Variants in NEK7 observed in about 807,000 individuals in gnomAD.
NEK7 encodes NIMA related kinase 7, also known as serine/threonine-protein kinase Nek7.
Under a neutral mutation model 44.6 loss-of-function variants are expected in NEK7, and 18 were observed. That is an observed-to-expected ratio of 0.40 (90% CI 0.28 to 0.60). The LOEUF is 0.60. NEK7 is among the 20% of genes least tolerant of loss of function. The pLI is 0.38. For synonymous variants in NEK7, 130 were observed against 121.1 expected, an observed-to-expected ratio of 1.07 and a Z score of -0.48; for missense variants, 256 against 366.5, an observed-to-expected ratio of 0.70 and a Z score of 2.46.
chr1:198,238,577 C>T (rs1436682067), intron 2 of NEK7, among the ~76,000 whole-genome samples: 1 of 152,172 alleles, frequency 6.6e-6, no homozygotes, highest in Non-Finnish European at 1.5e-5. Flanking sequence ...TACCCCATTA[C>T]CCCATGCTTA....
chr1:198,302,607 CAAA>C (rs1654922683), intron 9 of NEK7, among the ~76,000 whole-genome samples: 1 of 151,990 alleles, frequency 6.6e-6, no homozygotes, highest in African/African-American at 2.4e-5. Flanking sequence ...GTATGAATAA[CAAA>C]AATAAATTTT....
intron 9 of NEK7, among the ~76,000 whole-genome samples, chr1:198,301,283 G>A (rs961714799): frequency 1.1e-4 from 17 of 152,244 alleles, no homozygotes; most frequent in African/African-American, 3.9e-4. Flanking sequence ...GGGCGCTGTG[G>A]CTCACGCCTG....
intron 5 of NEK7, among the ~76,000 whole-genome samples, chr1:198,272,344 C>T (rs1168627150): frequency 6.6e-6 from 1 of 151,756 alleles, no homozygotes; most frequent in African/African-American, 2.4e-5. Flanking sequence ...GTAATACCAT[C>T]GTGAGCAGTA....
chr1:198,257,458 A>C (rs186108669), intron 3 of NEK7, among the ~76,000 whole-genome samples: 1 of 152,326 alleles, frequency 6.6e-6, no homozygotes, highest in African/African-American at 2.4e-5. Flanking sequence ...GGACAATGAT[A>C]GCACTTCCAT....
chr1:198,224,271 AC>A (rs1365665065), intron 1 of NEK7, among the ~76,000 whole-genome samples: 2 of 151,266 alleles, frequency 1.3e-5, no homozygotes, highest in Non-Finnish European at 2.9e-5. Flanking sequence ...GCAATGCATT[AC>A]CTTTTCCATG....
At chr1:198,278,848 A>G in intron 6 of NEK7, 106 bp from the exon 7 acceptor site, 5 of 627,426 alleles carry the variant, frequency 8.0e-6, no homozygotes, top group Non-Finnish European at 1.4e-5. Flanking sequence ...TCAAACTTTC[A>G]TGATTAAAAT....
intron 1 of NEK7, among the ~76,000 whole-genome samples, chr1:198,192,826 A>T (rs1317193493): frequency 6.6e-6 from 1 of 152,130 alleles, no homozygotes; most frequent in Non-Finnish European, 1.5e-5. Context: ...TAAGAATGAA[A>T]TTTATAGCAA....
At chr1:198,300,542 T>G (rs1464493830) in intron 9 of NEK7, among the ~76,000 whole-genome samples, 1 of 152,236 alleles carries the variant, frequency 6.6e-6, no homozygotes, top group Non-Finnish European at 1.5e-5. Flanking sequence ...ACATCCTTTC[T>G]TCTCTCCCCA....
chr1:198,205,203 G>A (rs900656275), intron 1 of NEK7, among the ~76,000 whole-genome samples: 2 of 152,098 alleles, frequency 1.3e-5, no homozygotes, highest in Non-Finnish European at 2.9e-5. Context: ...CTTTATTAGT[G>A]GGGCCAAAAA....
rs1655491455 is a variant in NEK7, at chr1:198,320,081, C to T, written c.*559C>T. 1.3e-5 allele frequency: 2 copies of T among 152,132 alleles called. No homozygotes were observed. The highest frequency in any genetic ancestry group is 4.1e-4 in the South Asian group (2 of 4,820). The allele number at this position is 152,132 out of a possible 1,614,324, so 9.4% of individuals were successfully genotyped here. A position where few individuals can be genotyped will look rare whatever the true frequency, so the allele number is the denominator to read the frequency against. ...AACTATTTGAGAAACATTTAGAACT[C>T]TTAGCTTATACATTCAAAATGTAAC... On this transcript the variant is annotated 3_prime_UTR_variant, in exon 10 of 10. Coordinates refer to ENST00000367385, the MANE Select transcript of NEK7 (RefSeq NM_133494.3).
intron 1 of NEK7, among the ~76,000 whole-genome samples, chr1:198,228,467 C>T (rs1436525615): frequency 1.8e-4 from 27 of 151,806 alleles, no homozygotes; most frequent in Admixed American, 2.6e-4. Context: ...GCAGTATGGC[C>T]ATTTTCACGA....
chr1:198,261,588 T>A (rs1653472555), intron 3 of NEK7, among the ~76,000 whole-genome samples: 1 of 151,942 alleles, frequency 6.6e-6, no homozygotes, highest in Non-Finnish European at 1.5e-5. Flanking sequence ...TCAAGCTGAT[T>A]ACTAAAAATG....
At chr1:198,231,413 A>G (rs1474280173) in intron 1 of NEK7, among the ~76,000 whole-genome samples, 1 of 148,820 alleles carries the variant, frequency 6.7e-6, no homozygotes, top group Non-Finnish European at 1.5e-5. Flanking sequence ...AATTTTTTCA[A>G]TATATCATTT....
At chr1:198,309,211 G>A (rs531639720) in intron 9 of NEK7, among the ~76,000 whole-genome samples, 18 of 152,232 alleles carry the variant, frequency 1.2e-4, no homozygotes, top group Admixed American at 2.0e-4. Context: ...AGGTGAGAGA[G>A]CTAGGGGTTT....
chr1:198,269,709 A>C (rs986905942), intron 5 of NEK7, among the ~76,000 whole-genome samples: 2 of 152,124 alleles, frequency 1.3e-5, no homozygotes, highest in East Asian at 3.9e-4. Context: ...GCATTGCATC[A>C]AAGATTTTTA....
chr1:198,208,029 G>A (rs1161384549), intron 1 of NEK7, among the ~76,000 whole-genome samples: 2 of 152,046 alleles, frequency 1.3e-5, no homozygotes, highest in African/African-American at 4.8e-5. Context: ...TTCTAACATG[G>A]CAATCACTTT....
Position 198,264,172 on chromosome 1 carries a change from A to C in NEK7, c.309A>C (p.Glu103Asp). ...NVIKYYASFI[E>D]DNELNIVLEL... ...TAAAATATTATGCATCATTCATTGA[A>C]GATAATGAACTAAACATAGTTTTGG... Residue 103 changes from glutamate (E) to aspartate (D), a missense_variant, in exon 5 of 10, where the codon GAA becomes GAC. Glu to Asp is a conservative substitution (Grantham distance 45). Transcript: ENST00000367385. The C allele has an allele frequency of 6.2e-6, 10 of 1,606,560 alleles. No individual in the cohort carries two copies. Among genetic ancestry groups the C allele is most frequent in the Non-Finnish European group, 8.5e-6 (10 of 1,176,578 alleles).
In NEK7 at chr1:198,242,815, T is replaced by G. The variant is rs368982564; in HGVS notation, c.57+10178T>G. Among the ~76,000 whole-genome samples, 22 of 151,014 alleles carry G rather than the reference T, an allele frequency of 1.5e-4. 1 individual carries two copies. Among genetic ancestry groups the G allele is most frequent in the East Asian group, 7.7e-4 (4 of 5,162 alleles). On this transcript the variant is annotated intron_variant, in intron 2 of 9. Transcript: ENST00000367385. ...TTTAGTTTTTATATTTTTAATTTTT[T>G]TTTTTGTATTTAATTTTTTTTTTTT...
intron 2 of NEK7, among the ~76,000 whole-genome samples, chr1:198,252,509 G>A (rs1443068311): frequency 2.7e-5 from 3 of 110,132 alleles, no homozygotes; most frequent in Non-Finnish European, 3.7e-5. Context: ...TTCCTTTTTA[G>A]GCTTTCCTAT....
Sources: gnomAD v4.1 joint callset for allele counts (sites outside exome capture counted in the v4.1 genomes callset) on GRCh38, gnomAD v4.1.1 for gene constraint, MANE v1.5 for transcripts, NCBI Gene and HGNC (gene_info 2026-07-23, HGNC 2026-07-21) for gene names.